STX5: variants seen among roughly 807,000 people sequenced by gnomAD.
The protein encoded by STX5 is syntaxin-5.
STX5 carries 15 observed loss-of-function variants against 42.9 expected under a neutral mutation model. The observed-to-expected ratio is 0.35, with a 90% CI of 0.23 to 0.54. STX5 has a LOEUF of 0.54. STX5 is among the 20% of genes least tolerant of loss of function. The pLI is 0.91. For synonymous variants in STX5, 184 were observed against 173.2 expected (o/e 1.06, Z -0.49); for missense variants, 430 against 455.0 (o/e 0.95, Z 0.50).
In STX5 at chr11:62,807,105, A is replaced by T. The variant is rs369867420; in HGVS notation, c.*364T>A. On this transcript the variant is annotated 3_prime_UTR_variant, in exon 11 of 11. Coordinates refer to ENST00000294179, the MANE Select transcript of STX5 (RefSeq NM_003164.5). ...CTCTTCACTCACAGGAAGGTGGGTA[A>T]GGGCATCATCTCCCTTTGCTGCCAA... 1 of 173,756 alleles carries T rather than the reference A, an allele frequency of 5.8e-6. No individual in the cohort carries two copies. The highest frequency in any genetic ancestry group is 1.3e-5 in the Non-Finnish European group (1 of 79,688). The allele number at this position is 173,756 out of a possible 1,614,324, so 10.8% of individuals were successfully genotyped here. A position where few individuals can be genotyped will look rare whatever the true frequency, so the allele number is the denominator to read the frequency against.
At chr11:62,831,853 G>A (rs2084872374) in intron 1 of STX5, 101 bp downstream of exon 1, 3 of 454,132 alleles carry the variant, frequency 6.6e-6, no homozygotes, top group South Asian at 1.6e-5. Context: ...GGACTTGCCC[G>A]CTCGCCCCTG....
chr11:62,816,399 G>A (rs1236409663), intron 10 of STX5, among the ~76,000 whole-genome samples: 1 of 152,002 alleles, frequency 6.6e-6, no homozygotes, highest in East Asian at 1.9e-4. Flanking sequence ...CTTCTCCGCT[G>A]AGCCTCCTAA....
intron 10 of STX5, among the ~76,000 whole-genome samples, chr11:62,809,998 A>T (rs1041678513): frequency 1.3e-5 from 2 of 149,804 alleles, no homozygotes; most frequent in Non-Finnish European, 3.0e-5. Flanking sequence ...GCTACTCAGG[A>T]GGCTGAGGCA....
chr11:62,827,421 CTG>C (rs1350858022), intron 3 of STX5, 23 bp from the exon 4 acceptor site: 1 of 1,614,206 alleles, frequency 6.2e-7, no homozygotes, highest in Admixed American at 1.7e-5. Context: ...ACTAGTCAGA[CTG>C]TGGGAAAGGG....
At position 62,825,539 on chromosome 11, in the gene STX5, C is replaced by G. The variant is rs1234702657; in HGVS notation, c.424G>C (p.Asp142His). Residue 142 changes from aspartate to histidine, a missense_variant and splice_region_variant, in exon 6 of 11, where the codon GAC becomes CAC. Coordinates refer to ENST00000294179, the MANE Select transcript of STX5 (RefSeq NM_003164.5). ...ATTTGTTTGTTGAGGCTATTGATGT[C>G]CTGGTAAAAGAGTCCAAGGAAAAAC... ...IEELTYIIKQ[D>H]INSLNKQIAQ... 1 of 1,613,320 alleles carries G rather than the reference C, an allele frequency of 6.2e-7. No individual in the cohort carries two copies. Among genetic ancestry groups the G allele is most frequent in the Non-Finnish European group, 8.5e-7 (1 of 1,179,970 alleles).
intron 10 of STX5, among the ~76,000 whole-genome samples, chr11:62,820,504 T>C (rs2084728797): frequency 6.6e-6 from 1 of 151,574 alleles, no homozygotes; most frequent in South Asian, 2.1e-4. Context: ...GGCTGCCATT[T>C]TACTATTTTC....
chr11:62,828,750 C>T (rs958749674), intron 2 of STX5, among the ~76,000 whole-genome samples: 2 of 143,186 alleles, frequency 1.4e-5, no homozygotes, highest in African/African-American at 5.7e-5. Flanking sequence ...AATAAATAAA[C>T]AAACAAACAA....
chr11:62,831,504 G>A (rs992109039), intron 1 of STX5, among the ~76,000 whole-genome samples: 3 of 152,042 alleles, frequency 2.0e-5, no homozygotes, highest in Admixed American at 6.5e-5. Flanking sequence ...GCGGGCCGGG[G>A]ACCCTGAAGC....
intron 2 of STX5, among the ~76,000 whole-genome samples, chr11:62,829,646 C>T (rs1455139114): frequency 6.6e-6 from 1 of 151,988 alleles, no homozygotes; most frequent in Non-Finnish European, 1.5e-5. Flanking sequence ...TGCCTATAAT[C>T]CCAGCTACTG....
chr11:62,821,539 A>G (rs2084740438), intron 10 of STX5, among the ~76,000 whole-genome samples: 1 of 151,720 alleles, frequency 6.6e-6, no homozygotes, highest in South Asian at 2.1e-4. Flanking sequence ...AGCCTGGCCA[A>G]CATGCTGAAA....
At chr11:62,819,302 TCA>T (rs1176318877) in intron 10 of STX5, among the ~76,000 whole-genome samples, 2 of 146,246 alleles carry the variant, frequency 1.4e-5, no homozygotes, top group Non-Finnish European at 3.0e-5. Flanking sequence ...GAAAAAGATT[TCA>T]GTTTTCAGAT....
At chr11:62,825,014 C>T (rs192780282) in intron 8 of STX5, 22 bp downstream of exon 8, 137 of 1,613,022 alleles carry the variant, frequency 8.5e-5, no homozygotes, top group Non-Finnish European at 1.0e-4. Context: ...TCCCAGGGCT[C>T]CCCGTTTTAC....
At chr11:62,813,589 A>T (rs1455053086) in intron 10 of STX5, among the ~76,000 whole-genome samples, 1 of 152,202 alleles carries the variant, frequency 6.6e-6, no homozygotes, top group Non-Finnish European at 1.5e-5. Flanking sequence ...ATACAAATGT[A>T]GGTGTTCACT....
intron 2 of STX5, among the ~76,000 whole-genome samples, chr11:62,828,098 G>A (rs2084815587): frequency 6.6e-6 from 1 of 151,014 alleles, no homozygotes; most frequent in African/African-American, 2.4e-5. Flanking sequence ...TTTACCATGA[G>A]CTGAAAAACA....
At chr11:62,810,954 C>T (rs1005212226) in intron 10 of STX5, among the ~76,000 whole-genome samples, 1 of 152,224 alleles carries the variant, frequency 6.6e-6, no homozygotes, top group Non-Finnish European at 1.5e-5. Context: ...TCAAGCCCCT[C>T]CTGACTCAAA....
At chr11:62,818,245 C>CAA (rs71056566) in intron 10 of STX5, among the ~76,000 whole-genome samples, 5,178 of 74,678 alleles carry the variant, frequency 0.069, 258 homozygotes, top group East Asian at 0.14. Context: ...AACTCCATCT[C>CAA]AAAAAAAAAA....
intron 5 of STX5, among the ~76,000 whole-genome samples, chr11:62,826,163 A>G (rs1327927934): frequency 6.6e-6 from 1 of 152,022 alleles, no homozygotes; most frequent in Non-Finnish European, 1.5e-5. Flanking sequence ...CTGAGGCAAA[A>G]GAATCGTTTT....
In STX5 at chr11:62,820,963, T is replaced by G. The variant is rs547266301; in HGVS notation, c.908+3203A>C. ...GTTTCTGTTTTATTTCAATGGTTGC[T>G]CTAGGGATTACAAAATACACCTTAT... On this transcript the variant is annotated intron_variant, in intron 10 of 10. Coordinates refer to ENST00000294179, the MANE Select transcript of STX5 (RefSeq NM_003164.5). 3.9e-5 allele frequency among the ~76,000 whole-genome samples: 6 copies of G among 152,266 alleles called. No homozygotes were observed. In the East Asian group the frequency reaches 9.6e-4, roughly 24 times the overall value.
chr11:62,830,548 C>G (rs2084845171), intron 2 of STX5: 1 of 457,080 alleles, frequency 2.2e-6, no homozygotes, highest in Non-Finnish European at 4.4e-6. Flanking sequence ...AAACAGATCT[C>G]AAAACAAAAC....
Sources: gnomAD v4.1 joint callset for allele counts (sites outside exome capture counted in the v4.1 genomes callset) on GRCh38, gnomAD v4.1.1 for gene constraint, MANE v1.5 for transcripts, NCBI Gene and HGNC (gene_info 2026-07-23, HGNC 2026-07-21) for gene names.